The following KIF7 variants were observed in gnomAD, a reference collection of about 807,000 sequenced individuals.
The protein encoded by KIF7 is kinesin family member 7.
KIF7 carries 104 observed loss-of-function variants against 135.7 expected under a neutral mutation model. The ratio of observed to expected loss-of-function variants is 0.77; its 90% CI spans 0.65 to 0.90. The LOEUF is 0.90. Among genes scored for constraint, KIF7 ranks in the 40% least tolerant of loss-of-function variants. The pLI is 0.00. For synonymous variants in KIF7, 883 were observed against 809.4 expected, an observed-to-expected ratio of 1.09 and a Z score of -1.54; for missense variants, 2,005 against 1,839.1, an observed-to-expected ratio of 1.09 and a Z score of -1.65.
chr15:89,649,946 G>A lies in KIF7; in HGVS notation c.329-5C>T, dbSNP rs1432254187. The A allele has an allele frequency of 1.3e-6, 2 of 1,550,246 alleles. No homozygotes were observed. The highest frequency in any genetic ancestry group is 2.4e-5 in the East Asian group (1 of 40,942). On this transcript the variant is annotated splice_polypyrimidine_tract_variant and splice_region_variant and intron_variant, in intron 2 of 18. Transcript: ENST00000394412. ...GCTCATCCTCAAGGAGGGAGGCTGG[G>A]GAGACACCGCAGGGCCTCCTGCCAC...
chr15:89,634,617 G>T (rs544921029), intron 11 of KIF7, among the ~76,000 whole-genome samples: 1 of 152,216 alleles, frequency 6.6e-6, no homozygotes, highest in African/African-American at 2.4e-5. Context: ...GCGCTTTTCC[G>T]ATGGGCTTAA....
chr15:89,644,914 T>TATCAAA, intron 10 of KIF7, 99 bp downstream of exon 10: 1 of 1,514,056 alleles, frequency 6.6e-7, no homozygotes, highest in Non-Finnish European at 9.0e-7. Flanking sequence ...CGGCCCCTGC[T>TATCAAA]CCTAACCACC....
rs766793289 is a variant in KIF7 at position 89,649,764 on chromosome 15, C to G, written c.506G>C (p.Arg169Pro). ...ACCAACATTCCCGCGCTCATCTTCC[C>G]GGAGCTGGATGTCACGGCTGGCAGT... ...VGTASRDIQL[R>P]EDERGNVVLC... Residue 169 changes from arginine (R) to proline (P), a missense_variant, in exon 3 of 19, where the codon CGG becomes CCG. Transcript: ENST00000394412. 1.3e-6 allele frequency: 2 copies of G among 1,551,782 alleles called. No individual in the cohort carries two copies. The highest frequency in any genetic ancestry group is 1.7e-6 in the Non-Finnish European group (2 of 1,147,040).
chr15:89,644,903 C>T (rs938978285), intron 10 of KIF7, 110 bp downstream of exon 10: 3 of 1,442,430 alleles, frequency 2.1e-6, no homozygotes, highest in Non-Finnish European at 2.9e-6. Flanking sequence ...CCTAGGCCAT[C>T]CGGCCCCTGC....
intron 11 of KIF7, among the ~76,000 whole-genome samples, chr15:89,636,791 A>G (rs1963817523): frequency 7.3e-6 from 1 of 137,060 alleles, no homozygotes. Flanking sequence ...GTCAACAAGG[A>G]TACCCAGGAA....
intron 6 of KIF7, 134 bp from the exon 7 acceptor site, chr15:89,647,191 T>C (rs545094981): frequency 3.2e-4 from 242 of 757,538 alleles, no homozygotes; most frequent in Admixed American, 6.1e-4. Context: ...ACTCCTCTCC[T>C]CCCCAACAAC....
intron 9 of KIF7, 36 bp downstream of exon 9, chr15:89,645,300 G>A: frequency 3.7e-6 from 6 of 1,602,832 alleles, no homozygotes; most frequent in Non-Finnish European, 5.1e-6. Context: ...GAGGGGCAGT[G>A]GGGAGGAGGC....
chr15:89,628,191 T>C lies in KIF7; in HGVS notation c.*228A>G, dbSNP rs1963573945. On this transcript the variant is annotated 3_prime_UTR_variant, in exon 19 of 19. Coordinates refer to ENST00000394412, the MANE Select transcript of KIF7 (RefSeq NM_198525.3). Reference sequence around the variant, plus strand: ...AGCAAGACACAAGGCGGCAATTGGGTACCACAGCTTCATGGAAGTAAGTGG... The same window carrying C: ...AGCAAGACACAAGGCGGCAATTGGGCACCACAGCTTCATGGAAGTAAGTGG... 1 of 505,538 alleles carries C rather than the reference T, an allele frequency of 2.0e-6. No homozygotes were observed. Among genetic ancestry groups the C allele is most frequent in the Non-Finnish European group, 3.4e-6 (1 of 291,760 alleles). 31.3% of individuals were successfully genotyped at this position (505,538 alleles called of 1,614,324 possible).
chr15:89,653,036 T>A (rs1964150168), intron 1 of KIF7, 82 bp from the exon 2 acceptor site: 1 of 1,077,258 alleles, frequency 9.3e-7, no homozygotes, highest in Non-Finnish European at 1.3e-6. Context: ...TCGAGCCAGA[T>A]CCTGCAGCTC....
Position 89,632,899 on chromosome 15 carries a change from C to G in KIF7, c.2816G>C (p.Arg939Pro). The change falls in exon 14 of 19, where the codon CGG becomes CCG. Residue 939 changes from arginine (R) to proline (P), a missense_variant. Arg to Pro is a moderately radical substitution (Grantham distance 103, BLOSUM62 -2). Transcript: ENST00000394412. ...LEELGEELHK[R>P]EAILAKKEAL... is the part of the protein sequence containing the mutation. ...CTCCTTCTTGGCCAGGATGGCCTCC[C>G]GCTTGTGGAGCTCCTCCCCCAGCTC... 1 of 1,610,796 alleles carries G rather than the reference C, an allele frequency of 6.2e-7. No homozygotes were observed. The highest frequency in any genetic ancestry group is 8.5e-7 in the Non-Finnish European group (1 of 1,179,888).
chr15:89,618,257 A>G (rs1052843509), intron 1 of KIF7: 1 of 1,557,616 alleles, frequency 6.4e-7, no homozygotes. Flanking sequence ...CCCAGCTTCT[A>G]TGAAAACCTT....
chr15:89,642,274 G>T lies in KIF7; in HGVS notation c.2323C>A (p.Gln775Lys). 6.2e-7 allele frequency: 1 copy of T among 1,610,450 alleles called. No homozygotes were observed. The highest frequency in any genetic ancestry group is 8.5e-7 in the Non-Finnish European group (1 of 1,179,720). The change falls in exon 11 of 19, where the codon CAG (glutamine) becomes AAG (lysine). Residue 775 changes from glutamine (Q) to lysine (K), a missense_variant. Physicochemically the swap from Gln to Lys is moderately conservative, Grantham distance 53. Coordinates refer to ENST00000394412, the MANE Select transcript of KIF7 (RefSeq NM_198525.3). ...QLRELEGKEL[Q>K]DAGERSRLQE... Reference sequence around the variant, plus strand: ...AGCCGAGACCGCTCGCCAGCATCCTGGAGCTCCTTGCCCTCGAGCTCCCGC... The same window carrying T: ...AGCCGAGACCGCTCGCCAGCATCCTTGAGCTCCTTGCCCTCGAGCTCCCGC...
intron 11 of KIF7, among the ~76,000 whole-genome samples, chr15:89,638,045 T>C (rs1963845994): frequency 1.9e-5 from 2 of 105,354 alleles, no homozygotes; most frequent in Non-Finnish European, 2.2e-5. Flanking sequence ...TAATCCAGCA[T>C]ATAAACAGAA....
rs950406638 is a variant in KIF7, at chr15:89,652,520, G to GGCA, written c.328+80_328+82dup. 3.2e-5 allele frequency: 34 copies of GGCA among 1,076,192 alleles called. No individual in the cohort carries two copies. The African/African-American group carries it at 4.6e-4, about 15-fold the overall frequency. The allele number at this position is 1,076,192 out of a possible 1,614,324, so 66.7% of individuals were successfully genotyped here. A position where few individuals can be genotyped will look rare whatever the true frequency, so the allele number is the denominator to read the frequency against. On this transcript the variant is annotated intron_variant, in intron 2 of 18. Transcript: ENST00000394412. Reference sequence around the variant, plus strand: ...CAGCATCCCCACCTTCCACAGAACAGGCAGCAAGAGGACAAGGCAGAAATC... The same window carrying GGCA: ...CAGCATCCCCACCTTCCACAGAACAGGCAGCAGCAAGAGGACAAGGCAGAAATC...
Position 89,628,761 on chromosome 15 carries a change from C to T in KIF7, c.3690G>A (p.Ser1230=), listed in dbSNP as rs376563309. ...SRGGEKRSLC[S]EGRQAPGNED... ...CATTTCCAGGAGCCTGTCTGCCCTCCGAGCACAGGCTCCTCTTCTCCCCAC... is the reference window on the plus strand; with the variant it reads ...CATTTCCAGGAGCCTGTCTGCCCTCTGAGCACAGGCTCCTCTTCTCCCCAC... The change falls in exon 19 of 19, where the codon TCG becomes TCA. Residue 1230 remains serine (S), a synonymous_variant. Coordinates refer to ENST00000394412, the MANE Select transcript of KIF7 (RefSeq NM_198525.3). 40 of 1,612,104 alleles carry T rather than the reference C, an allele frequency of 2.5e-5. No homozygotes were observed. The East Asian group carries it at 2.7e-4, about 11-fold the overall frequency.
At chr15:89,623,847 T>A (rs1410281795), downstream of KIF7, 1 of 1,613,782 alleles carries the variant, frequency 6.2e-7, no homozygotes. Context: ...AAAAACGACA[T>A]ACCCAGGCAG....
intron 1 of KIF7, chr15:89,619,889 G>A (rs1034214535): frequency 2.4e-5 from 37 of 1,552,206 alleles, no homozygotes; most frequent in Admixed American, 4.4e-5. Context: ...CTGACTTGGT[G>A]AGAAGTGTTT....
chr15:89,635,376 T>G (rs1235786653), intron 11 of KIF7, among the ~76,000 whole-genome samples: 3 of 152,202 alleles, frequency 2.0e-5, no homozygotes, highest in Non-Finnish European at 4.4e-5. Flanking sequence ...ATCAAATTAT[T>G]CCGAGCTATG....
At chr15:89,636,048 T>A (rs981970912) in intron 11 of KIF7, among the ~76,000 whole-genome samples, 1 of 152,088 alleles carries the variant, frequency 6.6e-6, no homozygotes, top group Admixed American at 6.6e-5. Flanking sequence ...AAAAGAATTT[T>A]CAACCCAGAA....
Sources: allele counts gnomAD v4.1 joint callset (sites outside exome capture counted in the v4.1 genomes callset), GRCh38; gene constraint gnomAD v4.1.1; transcripts MANE v1.5; gene names NCBI Gene and HGNC (gene_info 2026-07-23, HGNC 2026-07-21).